KIF1A: variants seen among roughly 807,000 people sequenced by gnomAD.
KIF1A encodes the protein kinesin-like protein KIF1A.
A neutral mutation model predicts 227.3 loss-of-function variants in KIF1A; 46 were observed. That is an observed-to-expected ratio of 0.20 (90% confidence interval 0.16 to 0.26). The LOEUF is 0.26. KIF1A is among the 10% of genes least tolerant of loss of function. The pLI is 1.00. For synonymous variants in KIF1A, 1,022 were observed against 1,012.8 expected (o/e 1.01, Z -0.17); for missense variants, 1,683 against 2,485.9 (o/e 0.68, Z 6.87).
rs1201770975 is a variant in KIF1A, at chr2:240,726,981, G to A, written c.4008-41C>T. ...GACAAAGTAGAAGTTGATGGCGTGG[G>A]GGCTGCTTTCAGCCAGGCCGGGGAC... On this transcript the variant is annotated intron_variant, in intron 38 of 48. Coordinates refer to ENST00000498729, the MANE Select transcript of KIF1A (RefSeq NM_001244008.2). This position sits in a 1 kb window ranked among gnomAD's most constrained non-coding sequence, Gnocchi z 5.2. The A allele has an allele frequency of 7.8e-7, 1 of 1,279,792 alleles. No individual in the cohort carries two copies. Among genetic ancestry groups the A allele is most frequent in the South Asian group, 1.3e-5 (1 of 77,562 alleles). 79.3% of individuals were successfully genotyped at this position (1,279,792 alleles called of 1,614,324 possible).
chr2:240,774,502 T>C (rs1393668521), intron 11 of KIF1A, among the ~76,000 whole-genome samples: 2 of 151,184 alleles, frequency 1.3e-5, no homozygotes, highest in East Asian at 3.9e-4. Flanking sequence ...CTTTTACTTG[T>C]GTTTTTCTCA....
chr2:240,743,823 C>A, intron 33 of KIF1A, 119 bp downstream of exon 33: 1 of 668,562 alleles, frequency 1.5e-6, no homozygotes. Flanking sequence ...CCTGGATGGG[C>A]AGGGGAGGTG....
At chr2:240,741,182 A>G in intron 35 of KIF1A, 87 bp downstream of exon 35, 1 of 868,962 alleles carries the variant, frequency 1.2e-6, no homozygotes, top group Non-Finnish European at 1.8e-6. Context: ...GGATGCTGGC[A>G]ACCCTCAGGC....
intron 2 of KIF1A, among the ~76,000 whole-genome samples, chr2:240,796,908 C>G (rs1353570375): frequency 6.6e-6 from 1 of 152,234 alleles, no homozygotes; most frequent in Non-Finnish European, 1.5e-5. Flanking sequence ...GGACGCCCCC[C>G]TCCCCACCTG....
Position 240,771,137 on chromosome 2 carries a change from G to A in KIF1A, c.1208-33C>T, listed in dbSNP as rs372553814. 3.3e-5 allele frequency: 54 copies of A among 1,612,816 alleles called. No individual in the cohort carries two copies. The highest frequency in any genetic ancestry group is 1.5e-4 in the South Asian group (14 of 90,984). On this transcript the variant is annotated intron_variant, in intron 14 of 48. Transcript: ENST00000498729. ...GAGAGGGTCAGGGGCTTCATTCACC[G>A]TCCCGCCACGGTTAAGGTTATTGTT...
At chr2:240,804,238 C>G (rs950938524) in intron 1 of KIF1A, among the ~76,000 whole-genome samples, 1 of 152,190 alleles carries the variant, frequency 6.6e-6, no homozygotes, top group African/African-American at 2.4e-5. Flanking sequence ...TGCACTCCAG[C>G]CTGGGTGACA....
chr2:240,747,544 C>T (rs1171508904), intron 28 of KIF1A, among the ~76,000 whole-genome samples: 1 of 152,226 alleles, frequency 6.6e-6, no homozygotes, highest in South Asian at 2.1e-4. Context: ...GCCACGGCCT[C>T]ATCACAGCCC....
At position 240,790,500 on chromosome 2, in the gene KIF1A, C is replaced by T. The variant is rs1337573241; in HGVS notation, c.107-1188G>A. Among the ~76,000 whole-genome samples, 5 of 152,118 alleles carry T rather than the reference C, an allele frequency of 3.3e-5. No homozygotes were observed. Among genetic ancestry groups the T allele is most frequent in the Non-Finnish European group, 4.4e-5 (3 of 68,028 alleles). On this transcript the variant is annotated intron_variant, in intron 2 of 48. Coordinates refer to ENST00000498729, the MANE Select transcript of KIF1A (RefSeq NM_001244008.2). This position sits in a 1 kb window ranked among gnomAD's most constrained non-coding sequence, Gnocchi z 5.0. ...CCGTGCCAGCATGCACCCTGGGGAC[C>T]TGCCACCAGGACCACGGAGAACAAA...
rs190352944 is a variant in KIF1A at position 240,730,958 on chromosome 2, C to G, written c.4008-4018G>C. 5.9e-5 allele frequency among the ~76,000 whole-genome samples: 9 copies of G among 152,334 alleles called. No individual in the cohort carries two copies. The East Asian group carries it at 1.7e-3, about 29-fold the overall frequency. The stretch of plus-strand genomic sequence containing the variant: ...CCTGAGTCCTGGTCAGTACTGGCCC[C>G]ACCCTCCAAGCCCCCTGAGGGCAGC... On this transcript the variant is annotated intron_variant, in intron 38 of 48. Transcript: ENST00000498729.
intron 33 of KIF1A, 101 bp from the exon 34 acceptor site, chr2:240,743,085 C>T (rs2048182605): frequency 1.1e-6 from 1 of 872,720 alleles, no homozygotes; most frequent in African/African-American, 1.7e-5. Flanking sequence ...ATCCCGGCCC[C>T]TCCCACCCTC....
Position 240,757,507 on chromosome 2 carries a change from G to C in KIF1A, c.2670C>G (p.Phe890Leu). The C allele has an allele frequency of 6.4e-7, 1 of 1,550,600 alleles. No homozygotes were observed. Residue 890 changes from phenylalanine (F) to leucine (L), a missense_variant, in exon 27 of 49, where the codon TTC becomes TTG. By Grantham distance (22) the Phe-to-Leu change is conservative (BLOSUM62 0). Around this residue, in one of 12 missense-constraint regions of KIF1A, gnomAD observed 759 missense variants for 1,020.2 expected, o/e 0.74. Transcript: ENST00000498729. The surrounding 1 kb of genome is among the most constrained non-coding windows in gnomAD (Gnocchi z 6.2). ...CGGTGGCGTCGGAGTCGGGGCTCGA[G>C]AAGGTGGGGGAGGGGGTGAGAGCAG... ...RMAALTPSPTFSSPDSDATEP... is the reference protein window; with the variant it reads ...RMAALTPSPTLSSPDSDATEP...
chr2:240,737,203 CA>C (rs1242154537), intron 37 of KIF1A, 35 bp from the exon 38 acceptor site: 1 of 1,579,538 alleles, frequency 6.3e-7, no homozygotes, highest in Non-Finnish European at 8.7e-7. Context: ...GGTCACTTCC[CA>C]GGGGGCAGGT....
intron 1 of KIF1A, among the ~76,000 whole-genome samples, chr2:240,803,267 G>A (rs993562786): frequency 3.3e-5 from 5 of 152,226 alleles, no homozygotes; most frequent in African/African-American, 9.6e-5. Flanking sequence ...CCGGACTGAC[G>A]AGGAAACACA....
rs563569393 is a variant in KIF1A, at chr2:240,793,700, G to T, written c.106+3947C>A. Among the ~76,000 whole-genome samples, 4 of 152,334 alleles carry T rather than the reference G, an allele frequency of 2.6e-5. No homozygotes were observed. Among genetic ancestry groups the T allele is most frequent in the Non-Finnish European group, 5.9e-5 (4 of 68,030 alleles). On this transcript the variant is annotated intron_variant, in intron 2 of 48. Transcript: ENST00000498729. This position sits in a 1 kb window ranked among gnomAD's most constrained non-coding sequence, Gnocchi z 4.8. Reference sequence around the variant, plus strand: ...AGGTCTGGTGTGTTCAAATGAAGAGGATTATTTATGCAGGTGATGATTACG... The same window carrying T: ...AGGTCTGGTGTGTTCAAATGAAGAGTATTATTTATGCAGGTGATGATTACG...
rs991434962 is a variant in KIF1A at position 240,757,653 on chromosome 2, A to G, written c.2583-59T>C. ...ACACCAGCGACTCGCAGGGACGAAC[A>G]GGGGCCGGGGCCGGGGCTGGGGGGC... On this transcript the variant is annotated intron_variant, in intron 26 of 48. Coordinates refer to ENST00000498729, the MANE Select transcript of KIF1A (RefSeq NM_001244008.2). This position sits in a 1 kb window ranked among gnomAD's most constrained non-coding sequence, Gnocchi z 6.2. The G allele has an allele frequency of 1.0e-5, 15 of 1,450,728 alleles. No homozygotes were observed. The highest frequency in any genetic ancestry group is 1.4e-5 in the Non-Finnish European group (15 of 1,073,478). The allele number at this position is 1,450,728 out of a possible 1,614,324, so 89.9% of individuals were successfully genotyped here.
At chr2:240,781,546 A>G (rs1575621260) in intron 10 of KIF1A, among the ~76,000 whole-genome samples, 1 of 151,808 alleles carries the variant, frequency 6.6e-6, no homozygotes, top group Middle Eastern at 3.4e-3. Context: ...CACAATCTGG[A>G]CAGCGGATCG....
intron 1 of KIF1A, among the ~76,000 whole-genome samples, chr2:240,813,942 A>G (rs1386138609): frequency 6.6e-6 from 1 of 152,194 alleles, no homozygotes; most frequent in Non-Finnish European, 1.5e-5. Context: ...TTTTCAAAAC[A>G]AGGGCAGAAT....
chr2:240,769,118 T>G lies in KIF1A; in HGVS notation c.1497+15A>C. On this transcript the variant is annotated intron_variant, in intron 17 of 48. Coordinates refer to ENST00000498729, the MANE Select transcript of KIF1A (RefSeq NM_001244008.2). ...TCAGATGAGGGCAGTACCACAGAAC[T>G]GAGATAGCTCCTACCTTTTTGGGAG... The G allele has an allele frequency of 1.2e-6, 2 of 1,601,570 alleles. No individual in the cohort carries two copies. The highest frequency in any genetic ancestry group is 1.7e-6 in the Non-Finnish European group (2 of 1,173,568).
At chr2:240,747,381 C>T in intron 28 of KIF1A, 60 bp from the exon 29 acceptor site, 1 of 1,401,340 alleles carries the variant, frequency 7.1e-7, no homozygotes, top group Non-Finnish European at 1.0e-6. Context: ...TGGGTGTGGG[C>T]AGAGCCAGGC....
Sources: allele counts gnomAD v4.1 joint callset (sites outside exome capture counted in the v4.1 genomes callset), GRCh38; gene constraint gnomAD v4.1.1; regional missense constraint gnomAD v4.1.1; non-coding constraint Gnocchi (gnomAD v3.1); transcripts MANE v1.5; gene names NCBI Gene and HGNC (gene_info 2026-07-23, HGNC 2026-07-21).